Variants in ASTN1 observed in about 807,000 individuals in gnomAD.
The protein encoded by ASTN1 is astrotactin 1.
In ASTN1, 41 loss-of-function variants were observed where a neutral mutation model predicts 140.7. That is an observed-to-expected ratio of 0.29 (90% CI 0.23 to 0.38). The LOEUF (loss-of-function observed/expected upper bound fraction) is 0.38, where lower values mean the gene tolerates loss of function less well. Ranked by LOEUF, ASTN1 falls within the 10% of genes least tolerant of loss-of-function variation. ASTN1 has a pLI of 1.00. For missense variants in ASTN1, 1,479 were observed against 1,678.8 expected, an observed-to-expected ratio of 0.88 and a Z score of 2.08; for synonymous variants, 640 against 652.2, an observed-to-expected ratio of 0.98 and a Z score of 0.29.
chr1:176,992,183 T>C (rs1480663838), intron 8 of ASTN1, among the ~76,000 whole-genome samples: 7 of 152,070 alleles, frequency 4.6e-5, no homozygotes, highest in Non-Finnish European at 4.4e-5. Context: ...TTGGGAACCA[T>C]GGAAATAAAG....
At chr1:176,882,320 A>C (rs574478233) in intron 20 of ASTN1, among the ~76,000 whole-genome samples, 195 of 152,304 alleles carry the variant, frequency 1.3e-3, no homozygotes, top group African/African-American at 4.6e-3. Context: ...GACTTATAGC[A>C]TTCTATCTTT....
At chr1:177,122,238 G>T (rs1391574152) in intron 1 of ASTN1, among the ~76,000 whole-genome samples, 1 of 152,146 alleles carries the variant, frequency 6.6e-6, no homozygotes, top group Non-Finnish European at 1.5e-5. Flanking sequence ...TGTGGAAGGC[G>T]GGAGACTCAG....
intron 11 of ASTN1, among the ~76,000 whole-genome samples, chr1:176,951,181 T>G (rs1231630317): frequency 6.6e-6 from 1 of 152,228 alleles, no homozygotes; most frequent in East Asian, 1.9e-4. Context: ...TTCCAAGGGC[T>G]GCCTCGTGCT....
intron 7 of ASTN1, among the ~76,000 whole-genome samples, chr1:177,020,824 T>A (rs1675785536): frequency 6.6e-6 from 1 of 152,204 alleles, no homozygotes; most frequent in African/African-American, 2.4e-5. Context: ...AGGAGGCTGC[T>A]CCTTTGCAGT....
At chr1:177,017,063 T>C (rs1372294239) in intron 7 of ASTN1, among the ~76,000 whole-genome samples, 1 of 152,208 alleles carries the variant, frequency 6.6e-6, no homozygotes, top group Non-Finnish European at 1.5e-5. Flanking sequence ...ACAAAACATA[T>C]AAAAATAAAT....
At chr1:177,130,348 G>A (rs187926684) in intron 1 of ASTN1, among the ~76,000 whole-genome samples, 5 of 152,160 alleles carry the variant, frequency 3.3e-5, no homozygotes, top group South Asian at 2.1e-4. Flanking sequence ...CCCTCCCGCC[G>A]CAGACCTATC....
At chr1:177,008,511 G>GAGGGAGA (rs1346523604) in intron 8 of ASTN1, among the ~76,000 whole-genome samples, 12 of 150,152 alleles carry the variant, frequency 8.0e-5, no homozygotes, top group African/African-American at 2.5e-4. Context: ...GGAAGAGAGA[G>GAGGGAGA]CGGGAGATAG....
intron 1 of ASTN1, among the ~76,000 whole-genome samples, chr1:177,083,788 A>C (rs981756944): frequency 6.6e-5 from 10 of 152,148 alleles, no homozygotes; most frequent in African/African-American, 2.2e-4. Context: ...CAGGAGATCA[A>C]AATTATAGAT....
At chr1:177,131,608 C>T (rs1681945865) in intron 1 of ASTN1, among the ~76,000 whole-genome samples, 1 of 151,864 alleles carries the variant, frequency 6.6e-6, no homozygotes, top group Non-Finnish European at 1.5e-5. Context: ...TTTTAAAATA[C>T]ACAGACAATA....
intron 15 of ASTN1, 192 bp downstream of exon 15, chr1:176,936,074 A>G: frequency 1.5e-6 from 1 of 667,502 alleles, no homozygotes; most frequent in Non-Finnish European, 2.7e-6. Flanking sequence ...ATGCAATGTA[A>G]TCTCTACTTA....
At chr1:176,951,959 A>G (rs1293737143) in intron 11 of ASTN1, among the ~76,000 whole-genome samples, 1 of 152,198 alleles carries the variant, frequency 6.6e-6, no homozygotes, top group Non-Finnish European at 1.5e-5. Context: ...AGACTCAGAA[A>G]GATGAGGTAA....
At chr1:176,961,625 C>T (rs1175904837) in intron 9 of ASTN1, among the ~76,000 whole-genome samples, 1 of 152,206 alleles carries the variant, frequency 6.6e-6, no homozygotes, top group Non-Finnish European at 1.5e-5. Flanking sequence ...AGGTATGGAT[C>T]CCAGCAGCTT....
At chr1:176,901,866 T>A (rs921704203) in intron 16 of ASTN1, among the ~76,000 whole-genome samples, 1 of 152,232 alleles carries the variant, frequency 6.6e-6, no homozygotes, top group Non-Finnish European at 1.5e-5. Flanking sequence ...TTCTTGTCCC[T>A]TCTCACAAAT....
intron 2 of ASTN1, among the ~76,000 whole-genome samples, chr1:177,045,646 G>A (rs1041515111): frequency 6.6e-6 from 1 of 152,156 alleles, no homozygotes; most frequent in Non-Finnish European, 1.5e-5. Context: ...AGCGTGTGAG[G>A]ACTTCTCTTC....
chr1:177,102,511 C>T (rs1680349483), intron 1 of ASTN1, among the ~76,000 whole-genome samples: 1 of 152,150 alleles, frequency 6.6e-6, no homozygotes, highest in Admixed American at 6.5e-5. Context: ...TTAAACTTCA[C>T]TCCAATTCTA....
intron 5 of ASTN1, among the ~76,000 whole-genome samples, chr1:177,025,041 C>T (rs1042611536): frequency 2.6e-5 from 4 of 152,166 alleles, no homozygotes; most frequent in Admixed American, 6.5e-5. Context: ...CTTCCCTAGT[C>T]GCCTTACTAA....
At chr1:177,066,963 GAACT>G (rs1678391155) in intron 1 of ASTN1, among the ~76,000 whole-genome samples, 2 of 152,098 alleles carry the variant, frequency 1.3e-5, no homozygotes, top group South Asian at 2.1e-4. Flanking sequence ...GGCACCTGAT[GAACT>G]AACCCTGCAG....
intron 6 of ASTN1, among the ~76,000 whole-genome samples, chr1:177,023,893 A>T (rs1571666040): frequency 6.6e-6 from 1 of 152,148 alleles, no homozygotes; most frequent in South Asian, 2.1e-4. Flanking sequence ...GCTCCATCAG[A>T]CCCAGCCACA....
intron 1 of ASTN1, among the ~76,000 whole-genome samples, chr1:177,095,163 T>C (rs1679969629): frequency 6.6e-6 from 1 of 152,136 alleles, no homozygotes; most frequent in South Asian, 2.1e-4. Context: ...AAGAGTAAAA[T>C]ATAAGAAGTG....
Sources: gnomAD v4.1 joint callset for allele counts (sites outside exome capture counted in the v4.1 genomes callset) on GRCh38, gnomAD v4.1.1 for gene constraint, MANE v1.5 for transcripts, NCBI Gene and HGNC (gene_info 2026-07-23, HGNC 2026-07-21) for gene names.